The following CPS1 variants were observed in gnomAD, a reference collection of about 807,000 sequenced individuals.
CPS1 encodes carbamoyl-phosphate synthase [ammonia], mitochondrial.
CPS1 carries 109 observed loss-of-function variants against 174.6 expected under a neutral mutation model. The observed-to-expected ratio is 0.62, with a 90% confidence interval of 0.53 to 0.73. CPS1 has a LOEUF of 0.73. Ranked by LOEUF, CPS1 falls within the 30% of genes least tolerant of loss-of-function variation. CPS1 has a pLI of 0.00. For missense variants in CPS1, 1,689 were observed against 1,821.9 expected, an observed-to-expected ratio of 0.93 and a Z score of 1.33; for synonymous variants, 637 against 632.0, an observed-to-expected ratio of 1.01 and a Z score of -0.12.
chr2:210,550,990 A>C (rs1209878614), intron 1 of CPS1, among the ~76,000 whole-genome samples: 1 of 151,788 alleles, frequency 6.6e-6, no homozygotes, highest in Admixed American at 6.6e-5. Context: ...ATTCCACTCT[A>C]AGTTCTGCTT....
At chr2:210,560,090 A>G (rs1402986880) in intron 1 of CPS1, among the ~76,000 whole-genome samples, 6 of 152,272 alleles carry the variant, frequency 3.9e-5, no homozygotes, top group Admixed American at 3.3e-4. Flanking sequence ...TTGCCTTAAT[A>G]TTAAACATCT....
chr2:210,510,139 A>G (rs903668244), intron 1 of CPS1, among the ~76,000 whole-genome samples: 29 of 152,240 alleles, frequency 1.9e-4, no homozygotes, highest in Non-Finnish European at 3.5e-4. Flanking sequence ...CTACAAGGCA[A>G]CAGTAACCCA....
chr2:210,555,614 T>C, upstream of CPS1: 1 of 455,642 alleles, frequency 2.2e-6, no homozygotes, highest in Admixed American at 2.4e-5. Context: ...ACAATCTTTA[T>C]GTCATTTTCT....
chr2:210,617,476 G>A (rs1234269788), intron 21 of CPS1: 1 of 152,016 alleles, frequency 6.6e-6, no homozygotes, highest in African/African-American at 2.4e-5. Flanking sequence ...GAGGACAGTG[G>A]AAAATCTCAA....
chr2:210,510,633 C>T (rs937944123), intron 1 of CPS1, among the ~76,000 whole-genome samples: 2 of 152,152 alleles, frequency 1.3e-5, no homozygotes, highest in Admixed American at 1.3e-4. Flanking sequence ...GCAATCTGCT[C>T]ATCTGACAAA....
chr2:210,569,390 G>A (rs967353184), intron 1 of CPS1, among the ~76,000 whole-genome samples: 2 of 151,974 alleles, frequency 1.3e-5, no homozygotes, highest in African/African-American at 4.8e-5. Context: ...ACAAAATTTG[G>A]CAAGTTTTTT....
intron 25 of CPS1, among the ~76,000 whole-genome samples, chr2:210,643,828 A>C (rs937351173): frequency 6.6e-6 from 1 of 151,936 alleles, no homozygotes; most frequent in Admixed American, 6.6e-5. Flanking sequence ...TTTTTAAATC[A>C]CTCCTTAATA....
intron 5 of CPS1, among the ~76,000 whole-genome samples, chr2:210,581,543 C>G (rs932204015): frequency 2.0e-5 from 3 of 152,088 alleles, no homozygotes; most frequent in Non-Finnish European, 4.4e-5. Flanking sequence ...GAACTAAAAA[C>G]CAATTTTCAA....
At chr2:210,508,922 C>A (rs4673537) in intron 1 of CPS1, among the ~76,000 whole-genome samples, 92,848 of 151,868 alleles carry the variant, frequency 0.61, 28,745 homozygotes, top group South Asian at 0.68. Context: ...CGGGACCAGA[C>A]AGATTCACAG....
In CPS1 at chr2:210,573,324, A is replaced by G. The variant is rs1231201792; in HGVS notation, c.153A>G (p.Glu51=). ...CACAGACAGCACACATTGTCCTGGA[A>G]GATGGAACTAAGATGAAAGGTTACT... ...VKAQTAHIVL[E]DGTKMKGYSF... Residue 51 remains glutamate (E), a synonymous_variant, in exon 2 of 38, where the codon GAA becomes GAG. Transcript: ENST00000233072. The G allele has an allele frequency of 6.2e-7, 1 of 1,613,088 alleles. No homozygotes were observed. The highest frequency in any genetic ancestry group is 1.7e-5 in the Admixed American group (1 of 59,958).
chr2:210,497,893 C>CATATATATATATATAT (rs59178446), intron 1 of CPS1, among the ~76,000 whole-genome samples: 6,849 of 86,096 alleles, frequency 0.08, 578 homozygotes, highest in Non-Finnish European at 0.11. Flanking sequence ...TATATACATA[C>CATATATATATATATAT]ATATATATAT....
chr2:210,599,269 A>C (rs1294839056), intron 13 of CPS1, 103 bp from the exon 14 acceptor site: 1 of 1,035,432 alleles, frequency 9.7e-7, no homozygotes. Context: ...TACGGCCCAC[A>C]GATAACCTAA....
rs1695571294 is a variant in CPS1, at chr2:210,513,093, CAT to C, written c.3+35334_3+35335del. On this transcript the variant is annotated intron_variant, in intron 1 of 38. Coordinates refer to the CPS1 transcript ENST00000430249. ...ATGTGGAGATATATATATGGAGATA[CAT>C]ATATATGGGGATATATATATGGAGA... Among the ~76,000 whole-genome samples the C allele has an allele frequency of 2.4e-5, 3 of 123,650 alleles. 1 individual carries two copies. The highest frequency in any genetic ancestry group is 5.1e-5 in the Non-Finnish European group (3 of 59,104). The allele number at this position is 123,650 out of a possible 152,430, so 81.1% of individuals were successfully genotyped here. A position where few individuals can be genotyped will look rare whatever the true frequency, so the allele number is the denominator to read the frequency against.
chr2:210,641,921 A>G (rs1330874377), intron 24 of CPS1, among the ~76,000 whole-genome samples: 1 of 152,192 alleles, frequency 6.6e-6, no homozygotes, highest in African/African-American at 2.4e-5. Context: ...TTCTTTATAG[A>G]AGGTCACTCA....
At chr2:210,607,062 C>A in intron 18 of CPS1, 121 bp downstream of exon 18, 1 of 871,892 alleles carries the variant, frequency 1.1e-6, no homozygotes, top group Non-Finnish European at 1.8e-6. Flanking sequence ...TGTATGTTAG[C>A]TCCAAATCAT....
intron 13 of CPS1, among the ~76,000 whole-genome samples, chr2:210,597,185 G>T (rs1418781628): frequency 6.6e-6 from 1 of 151,712 alleles, no homozygotes; most frequent in Non-Finnish European, 1.5e-5. Flanking sequence ...TCTGTTGCTG[G>T]TATGTTCTCA....
At chr2:210,568,493 G>A (rs1388404841) in intron 1 of CPS1, among the ~76,000 whole-genome samples, 4 of 152,028 alleles carry the variant, frequency 2.6e-5, no homozygotes. Flanking sequence ...TTTGTCTTGG[G>A]TGGCCATGCA....
intron 1 of CPS1, among the ~76,000 whole-genome samples, chr2:210,482,537 T>G (rs796834412): frequency 8.5e-5 from 13 of 152,096 alleles, no homozygotes; most frequent in African/African-American, 2.9e-4. Context: ...GGCCAAGTGA[T>G]CCGCCCGCCT....
intron 21 of CPS1, chr2:210,619,608 G>A (rs1375221761): frequency 6.6e-6 from 1 of 151,706 alleles, no homozygotes; most frequent in Non-Finnish European, 1.5e-5. Flanking sequence ...CCTTTATGAT[G>A]CATCACTTAT....
Sources: allele counts gnomAD v4.1 joint callset (sites outside exome capture counted in the v4.1 genomes callset), GRCh38; gene constraint gnomAD v4.1.1; transcripts MANE v1.5; gene names NCBI Gene and HGNC (gene_info 2026-07-23, HGNC 2026-07-21).